Variants in HERC2 observed in about 807,000 individuals in gnomAD.
HERC2 encodes HECT and RLD domain containing E3 ubiquitin protein ligase 2, also known as E3 ubiquitin-protein ligase HERC2.
In HERC2, 102 loss-of-function variants were observed where a neutral mutation model predicts 537.7. That is an observed-to-expected ratio of 0.19 (90% CI 0.16 to 0.22). The LOEUF (loss-of-function observed/expected upper bound fraction) is 0.22. Ranked by LOEUF, HERC2 falls within the 10% of genes least tolerant of loss-of-function variation. The pLI is 1.00. For missense variants in HERC2, 4,236 were observed against 6,198.2 expected, an observed-to-expected ratio of 0.68 and a Z score of 10.63; for synonymous variants, 2,224 against 2,466.2, an observed-to-expected ratio of 0.90 and a Z score of 2.91.
chr15:28,228,357 C>G lies in HERC2; in HGVS notation c.5325G>C (p.Pro1775=), dbSNP rs772642437. 1.9e-6 allele frequency: 3 copies of G among 1,612,070 alleles called. No individual in the cohort carries two copies. In the East Asian group the frequency reaches 6.7e-5, roughly 36 times the overall value. ...GGGCTTGCGGGATGGTCCCCAGGCT[C>G]GGTCCTGACGGGTTCTCATTGGTGA... ...QTITNENPSG[P]SLGTIPQARF... is the part of the protein sequence containing the mutation. The change falls in exon 35 of 93, where the codon CCG becomes CCC. Residue 1775 remains proline (P), a synonymous_variant. Transcript: ENST00000261609.
chr15:28,124,380 G>T, intron 84 of HERC2, 146 bp from the exon 85 acceptor site: 1 of 466,920 alleles, frequency 2.1e-6, no homozygotes, highest in Non-Finnish European at 3.7e-6. Context: ...ACCTCACTGT[G>T]CTGCTTTTAA....
chr15:28,130,644 G>C (rs1454115427), intron 81 of HERC2, 50 bp from the exon 82 acceptor site: 1 of 1,255,926 alleles, frequency 8.0e-7, no homozygotes, highest in East Asian at 2.3e-5. Context: ...GGCTCCTGCT[G>C]ACTGCTATAA....
At chr15:28,262,813 T>C (rs1435073670) in intron 15 of HERC2, 105 bp downstream of exon 15, 2 of 1,213,992 alleles carry the variant, frequency 1.6e-6, no homozygotes, top group Admixed American at 2.3e-5. Flanking sequence ...ACATAAAACC[T>C]GCTAACTCAT....
intron 4 of HERC2, among the ~76,000 whole-genome samples, chr15:28,286,388 A>G (rs2076159299): frequency 6.6e-6 from 1 of 152,166 alleles, no homozygotes; most frequent in South Asian, 2.1e-4. Context: ...AAGTAGAATT[A>G]AACAATATAT....
chr15:28,227,985 T>A (rs540323857), intron 35 of HERC2, among the ~76,000 whole-genome samples: 1 of 151,892 alleles, frequency 6.6e-6, no homozygotes, highest in Admixed American at 6.6e-5. Context: ...GGCTAAATGG[T>A]GTGCATTTAT....
chr15:28,223,056 G>T (rs1900694758), intron 35 of HERC2, among the ~76,000 whole-genome samples: 1 of 152,112 alleles, frequency 6.6e-6, no homozygotes, highest in Admixed American at 6.5e-5. Flanking sequence ...GCTGAGTCTT[G>T]TGAGTCCTCC....
At chr15:28,315,841 T>G (rs2077067547) in intron 2 of HERC2, 3 of 645,580 alleles carry the variant, frequency 4.6e-6, no homozygotes, top group Non-Finnish European at 8.5e-6. Context: ...GGGATGCTGG[T>G]ACAAGTTGTG....
chr15:28,270,749 G>A lies in HERC2; in HGVS notation c.1203C>T (p.Asp401=). 1.2e-6 allele frequency: 2 copies of A among 1,613,960 alleles called. No homozygotes were observed. Among genetic ancestry groups the A allele is most frequent in the South Asian group, 1.1e-5 (1 of 91,074 alleles). Residue 401 remains aspartate, a synonymous_variant, in exon 10 of 93, where the codon GAC becomes GAT. Transcript: ENST00000261609. ...QTAVVVMAHL[D]RLATPCMPPL... is the part of the protein sequence containing the mutation. ...GAGGCATACAGGGCGTAGCCAGACG[G>A]TCTAAATGGGCCATGACAACAACCG...
chr15:28,272,403 A>T lies in HERC2; in HGVS notation c.912-17T>A. 1 of 1,602,942 alleles carries T rather than the reference A, an allele frequency of 6.2e-7. No homozygotes were observed. The highest frequency in any genetic ancestry group is 8.5e-7 in the Non-Finnish European group (1 of 1,173,494). On this transcript the variant is annotated splice_polypyrimidine_tract_variant and intron_variant, in intron 8 of 92. Transcript: ENST00000261609. ...AACATTTGGCTAAAGGAGAAAAGAT[A>T]TTTATTCTAGTAAAAACAGATTAAC...
At chr15:28,272,515 A>G (rs2075763432) in intron 8 of HERC2, 129 bp from the exon 9 acceptor site, 1 of 843,402 alleles carries the variant, frequency 1.2e-6, no homozygotes, top group African/African-American at 1.7e-5. Context: ...AAACTAAACT[A>G]AAGCCGTGGT....
At chr15:28,313,074 A>G (rs1267411476) in intron 2 of HERC2, among the ~76,000 whole-genome samples, 1 of 151,894 alleles carries the variant, frequency 6.6e-6, no homozygotes, top group Non-Finnish European at 1.5e-5. Flanking sequence ...CTTCCCACCA[A>G]CACCATAACA....
At position 28,222,140 on chromosome 15, in the gene HERC2, G is replaced by A. The variant is rs1368304843; in HGVS notation, c.5540C>T (p.Thr1847Ile). ...CTGCACAGGAGCCGTTTCCTTCCTT[G>A]TTTCTTCCAAAACTGTGGCAGAAGC... is the stretch of plus-strand genomic sequence containing the variant. ...QGASATVLEETRKETAPVQLP... is the reference protein window; with the variant it reads ...QGASATVLEEIRKETAPVQLP... The change falls in exon 36 of 93, where the codon ACA becomes ATA. Residue 1847 changes from threonine (T) to isoleucine (I), a missense_variant. By Grantham distance (89) the Thr-to-Ile change is moderately conservative. Around this residue, in one of 27 missense-constraint regions of HERC2, gnomAD observed 343 missense variants for 417.2 expected, o/e 0.82. Transcript: ENST00000261609. 7.5e-7 allele frequency: 1 copy of A among 1,334,436 alleles called. No individual in the cohort carries two copies. Among genetic ancestry groups the A allele is most frequent in the East Asian group, 2.2e-5 (1 of 44,686 alleles). The allele number at this position is 1,334,436 out of a possible 1,614,324, so 82.7% of individuals were successfully genotyped here.
chr15:28,132,286 G>A, intron 80 of HERC2, 25 bp from the exon 81 acceptor site: 1 of 1,584,606 alleles, frequency 6.3e-7, no homozygotes, highest in Non-Finnish European at 8.6e-7. Flanking sequence ...GACTTGGGTT[G>A]GCCAAGCACA....
At chr15:28,126,240 G>A (rs1316552499) in intron 83 of HERC2, among the ~76,000 whole-genome samples, 2 of 152,160 alleles carry the variant, frequency 1.3e-5, no homozygotes, top group Non-Finnish European at 2.9e-5. Context: ...CCCACTAGAG[G>A]GCGATAAAAA....
chr15:28,130,156 T>C lies in HERC2; in HGVS notation c.12802+7A>G, dbSNP rs771177974. 46 of 1,613,954 alleles carry C rather than the reference T, an allele frequency of 2.9e-5. No homozygotes were observed. The highest frequency in any genetic ancestry group is 3.8e-5 in the Non-Finnish European group (45 of 1,179,970). On this transcript the variant is annotated splice_region_variant and intron_variant, in intron 83 of 92. Coordinates refer to ENST00000261609, the MANE Select transcript of HERC2 (RefSeq NM_004667.6). ...CCTCAGTCCTGCGGCACTGAGCCCC[T>C]ACCTACCATCCTCTGTGCAGCACAC... is the stretch of plus-strand genomic sequence containing the variant.
chr15:28,113,355 C>T lies in HERC2; in HGVS notation c.14020-72G>A. On this transcript the variant is annotated intron_variant, in intron 91 of 92. Transcript: ENST00000261609. This position sits in a 1 kb window ranked among gnomAD's most constrained non-coding sequence, Gnocchi z 7.0. ...CATTTCCGCAAGACTCCGTCACGCT[C>T]CCTCTCTACACCAAGGCCTGTTTGG... The T allele has an allele frequency of 1.4e-6, 2 of 1,476,282 alleles. No homozygotes were observed. The highest frequency in any genetic ancestry group is 1.9e-6 in the Non-Finnish European group (2 of 1,064,804). The allele number at this position is 1,476,282 out of a possible 1,614,324, so 91.4% of individuals were successfully genotyped here. A position where few individuals can be genotyped will look rare whatever the true frequency, so the allele number is the denominator to read the frequency against.
Position 28,248,607 on chromosome 15 carries a change from C to G in HERC2, c.3180G>C (p.Leu1060Phe). The G allele has an allele frequency of 6.2e-7, 1 of 1,613,850 alleles. No individual in the cohort carries two copies. Among genetic ancestry groups the G allele is most frequent in the Non-Finnish European group, 8.5e-7 (1 of 1,179,738 alleles). Residue 1060 changes from leucine (L) to phenylalanine (F), a missense_variant, in exon 21 of 93, where the codon TTG (leucine) becomes TTC (phenylalanine). Coordinates refer to ENST00000261609, the MANE Select transcript of HERC2 (RefSeq NM_004667.6). ...SLDLLLRFQR[L>F]LISKLYPGES... ...CTCCTGGATAAAGTTTACTAATAAG[C>G]AAACGTTGAAAACGCAGTAACAAAT...
Position 28,234,172 on chromosome 15 carries a change from G to A in HERC2, c.4116C>T (p.Ala1372=). ...DHCSSPGGTP[A]SKSRLCSHRR... ...TGTGGGAGCAGAGTCGAGATTTGCTGGCAGGTGTGCCCCCTGGGGAGCTGC... is the reference window on the plus strand; with the variant it reads ...TGTGGGAGCAGAGTCGAGATTTGCTAGCAGGTGTGCCCCCTGGGGAGCTGC... The change falls in exon 27 of 93, where the codon GCC becomes GCT. Residue 1372 remains alanine (A), a synonymous_variant. Transcript: ENST00000261609. 1.1e-6 allele frequency: 1 copy of A among 895,834 alleles called. No individual in the cohort carries two copies. Among genetic ancestry groups the A allele is most frequent in the South Asian group, 1.3e-5 (1 of 76,032 alleles). 55.5% of individuals were successfully genotyped at this position (895,834 alleles called of 1,614,324 possible). A position where few individuals can be genotyped will look rare whatever the true frequency, so the allele number is the denominator to read the frequency against.
At position 28,146,231 on chromosome 15, in the gene HERC2, C is replaced by T. The variant is rs1190591735; in HGVS notation, c.11008+6G>A. Reference sequence around the variant, plus strand: ...GATCATGCCCTGCTCAACCTCCTGTCCTTACCTGACCGCACGGAGACGATC... The same window carrying T: ...GATCATGCCCTGCTCAACCTCCTGTTCTTACCTGACCGCACGGAGACGATC... On this transcript the variant is annotated splice_donor_region_variant and intron_variant, in intron 71 of 92. Transcript: ENST00000261609. 6.2e-7 allele frequency: 1 copy of T among 1,608,798 alleles called. No individual in the cohort carries two copies. Among genetic ancestry groups the T allele is most frequent in the Admixed American group, 1.7e-5 (1 of 60,000 alleles).
Sources: gnomAD v4.1 joint callset for allele counts (sites outside exome capture counted in the v4.1 genomes callset) on GRCh38, gnomAD v4.1.1 for gene constraint, gnomAD v4.1.1 regional missense constraint, Gnocchi (gnomAD v3.1) non-coding constraint, MANE v1.5 for transcripts, NCBI Gene and HGNC (gene_info 2026-07-23, HGNC 2026-07-21) for gene names.